Variants in CTNNA2 observed in about 807,000 individuals in gnomAD.
CTNNA2 encodes catenin alpha-2.
CTNNA2 carries 42 observed loss-of-function variants against 101.0 expected under a neutral mutation model. That is an observed-to-expected ratio of 0.42 (90% CI 0.32 to 0.54). CTNNA2 has a LOEUF of 0.54. CTNNA2 is among the 20% of genes least tolerant of loss of function. The probability of loss-of-function intolerance (pLI) is 0.14; values close to 1 mark genes in which losing one functional copy is unlikely to be tolerated. For missense variants in CTNNA2, 871 were observed against 1,223.1 expected (o/e 0.71, Z 4.29); for synonymous variants, 450 against 456.4 (o/e 0.99, Z 0.18).
chr2:79,909,605 C>A lies in CTNNA2; in HGVS notation c.864C>A (p.Ile288=). Reference sequence around the variant, plus strand: ...TGTGATACTTTCAGAATAAGATTATCCTGGACCCCATGACGTTCAGCGAGG... The same window carrying A: ...TGTGATACTTTCAGAATAAGATTATACTGGACCCCATGACGTTCAGCGAGG... ...AALNEFDNKI[I]LDPMTFSEAR... Residue 288 remains isoleucine, a synonymous_variant, in exon 7 of 19, where the codon ATC becomes ATA. Coordinates refer to ENST00000402739, the MANE Select transcript of CTNNA2 (RefSeq NM_001282597.3). The A allele has an allele frequency of 6.2e-7, 1 of 1,610,764 alleles. No homozygotes were observed. Among genetic ancestry groups the A allele is most frequent in the South Asian group, 1.1e-5 (1 of 90,816 alleles).
chr2:79,281,206 G>A (rs572055405), intron 2 of CTNNA2, among the ~76,000 whole-genome samples: 1 of 152,152 alleles, frequency 6.6e-6, no homozygotes, highest in East Asian at 1.9e-4. Context: ...TGTATGTCAT[G>A]GTCCAAGGGT....
chr2:80,255,748 A>G (rs1231688596), intron 7 of CTNNA2, among the ~76,000 whole-genome samples: 1 of 152,188 alleles, frequency 6.6e-6, no homozygotes, highest in African/African-American at 2.4e-5. Flanking sequence ...GAAAGGATGA[A>G]AGGACAGATT....
At chr2:79,257,803 TAA>T (rs375111398) in intron 2 of CTNNA2, among the ~76,000 whole-genome samples, 1 of 146,780 alleles carries the variant, frequency 6.8e-6, no homozygotes, top group Non-Finnish European at 1.5e-5. Context: ...CTGGTTGGCT[TAA>T]AAAAAAAAAA....
Position 79,585,796 on chromosome 2 carries a change from A to G in CTNNA2, c.-5-65756A>G, listed in dbSNP as rs906939633. On this transcript the variant is annotated intron_variant, in intron 1 of 18. Transcript: ENST00000402739. The stretch of plus-strand genomic sequence containing the variant: ...TTTTCTCCTCCTGCCTCTGGTCTAC[A>G]TTGCAGGTCCCTTCAGTATCCATTT... Among the ~76,000 whole-genome samples the G allele has an allele frequency of 6.0e-5, 9 of 150,696 alleles. No homozygotes were observed. In the East Asian group the frequency reaches 1.2e-3, roughly 20 times the overall value.
chr2:80,380,055 G>C (rs1191555147), intron 7 of CTNNA2, among the ~76,000 whole-genome samples: 1 of 19,106 alleles, frequency 5.2e-5, no homozygotes, highest in Non-Finnish European at 1.2e-4. Flanking sequence ...TTTTTTTTTT[G>C]AGACGGAGTC....
chr2:80,198,409 A>C (rs961655403), intron 7 of CTNNA2, among the ~76,000 whole-genome samples: 41 of 152,342 alleles, frequency 2.7e-4, no homozygotes, highest in African/African-American at 9.1e-4. Context: ...CAATGCAGTT[A>C]AATTAGTGAA....
chr2:79,512,699 G>T (rs1414469400), upstream of CTNNA2, among the ~76,000 whole-genome samples: 1 of 151,846 alleles, frequency 6.6e-6, no homozygotes. Context: ...GCCCTACGGC[G>T]GTGCCCCTTC....
chr2:79,905,570 C>A (rs910250978), intron 6 of CTNNA2, among the ~76,000 whole-genome samples: 4 of 152,150 alleles, frequency 2.6e-5, no homozygotes, highest in African/African-American at 7.2e-5. Flanking sequence ...TTAAAGTATT[C>A]TTCTGTGACC....
intron 1 of CTNNA2, chr2:79,547,329 A>G (rs750060786): frequency 3.9e-5 from 6 of 152,200 alleles, no homozygotes; most frequent in Non-Finnish European, 8.8e-5. Flanking sequence ...GCTCTCCCAT[A>G]TGAGAAATTG....
chr2:80,014,190 C>CA (rs1217498231), intron 7 of CTNNA2, among the ~76,000 whole-genome samples: 1 of 151,924 alleles, frequency 6.6e-6, no homozygotes, highest in Non-Finnish European at 1.5e-5. Context: ...TTATTTTTAT[C>CA]AAAATTTAAT....
intron 7 of CTNNA2, among the ~76,000 whole-genome samples, chr2:80,281,245 G>A (rs1318823106): frequency 6.6e-6 from 1 of 152,102 alleles, no homozygotes; most frequent in African/African-American, 2.4e-5. Context: ...TCAGGCCAGG[G>A]TTATGAGGTC....
chr2:79,388,026 G>T (rs1678124461), intron 4 of CTNNA2, among the ~76,000 whole-genome samples: 1 of 152,026 alleles, frequency 6.6e-6, no homozygotes, highest in Non-Finnish European at 1.5e-5. Context: ...TGTATTAAGG[G>T]GAGAATAAAG....
intron 2 of CTNNA2, among the ~76,000 whole-genome samples, chr2:79,255,514 A>C (rs1030596745): frequency 6.6e-6 from 1 of 152,222 alleles, no homozygotes; most frequent in African/African-American, 2.4e-5. Context: ...CAGAGTTACA[A>C]CTGAGGCATG....
chr2:80,542,512 T>C (rs1161591291), intron 9 of CTNNA2, among the ~76,000 whole-genome samples: 1 of 152,124 alleles, frequency 6.6e-6, no homozygotes, highest in East Asian at 1.9e-4. Context: ...TGTCACTCTT[T>C]CTTTTTTTAA....
chr2:80,345,154 C>G (rs1369284449), intron 7 of CTNNA2, among the ~76,000 whole-genome samples: 1 of 152,204 alleles, frequency 6.6e-6, no homozygotes, highest in Non-Finnish European at 1.5e-5. Context: ...TCAAAACCCT[C>G]CAGTGGTTTG....
At chr2:79,991,775 C>T (rs1367792759) in intron 7 of CTNNA2, among the ~76,000 whole-genome samples, 1 of 152,098 alleles carries the variant, frequency 6.6e-6, no homozygotes, top group East Asian at 1.9e-4. Flanking sequence ...TGGCTCCAGC[C>T]TCCCGTTTGT....
intron 1 of CTNNA2, among the ~76,000 whole-genome samples, chr2:79,616,380 A>T (rs1232386343): frequency 6.6e-6 from 1 of 152,246 alleles, no homozygotes; most frequent in African/African-American, 2.4e-5. Context: ...TTTAGGAAGG[A>T]TGTAAAACAG....
chr2:80,305,202 G>A (rs1676808427), intron 7 of CTNNA2: 5 of 985,348 alleles, frequency 5.1e-6, no homozygotes, highest in Non-Finnish European at 6.0e-6. Flanking sequence ...CCTCTTGCGG[G>A]TACTGGAATT....
chr2:80,540,188 T>G (rs1691426679), intron 9 of CTNNA2, among the ~76,000 whole-genome samples: 1 of 152,166 alleles, frequency 6.6e-6, no homozygotes, highest in Non-Finnish European at 1.5e-5. Context: ...CCCTTTATCA[T>G]GAGAAACTGA....
Sources: allele counts gnomAD v4.1 joint callset (sites outside exome capture counted in the v4.1 genomes callset), GRCh38; gene constraint gnomAD v4.1.1; transcripts MANE v1.5; gene names NCBI Gene and HGNC (gene_info 2026-07-23, HGNC 2026-07-21).